ARB2A: variants seen among roughly 807,000 people sequenced by gnomAD.
ARB2A encodes cotranscriptional regulator ARB2A.
chr5:93,773,289 T>C, the ARB2A span, among the ~76,000 whole-genome samples: 1 of 152,190 alleles, frequency 6.6e-6, no homozygotes, highest in Admixed American at 6.5e-5. Flanking sequence ...TGCCACTGAA[T>C]CAACAGGACA....
the ARB2A span, among the ~76,000 whole-genome samples, chr5:94,030,191 T>C: frequency 6.6e-6 from 1 of 152,320 alleles, no homozygotes; most frequent in East Asian, 1.9e-4. Context: ...TGGTTGTCTA[T>C]TACTGTTGTA....
At chr5:93,915,209 C>T in the ARB2A span, among the ~76,000 whole-genome samples, 1 of 151,906 alleles carries the variant, frequency 6.6e-6, no homozygotes, top group East Asian at 1.9e-4. Flanking sequence ...TTCAAAGTTT[C>T]CTTTATTTGT....
At chr5:93,878,095 T>C in the ARB2A span, among the ~76,000 whole-genome samples, 3 of 152,190 alleles carry the variant, frequency 2.0e-5, no homozygotes, top group African/African-American at 7.2e-5. Flanking sequence ...TGGATTGTAA[T>C]CTCAGCTACT....
the ARB2A span, among the ~76,000 whole-genome samples, chr5:94,099,780 G>A: frequency 1.3e-5 from 2 of 151,848 alleles, no homozygotes; most frequent in Non-Finnish European, 2.9e-5. Flanking sequence ...ACTAGGTATT[G>A]AAGGAACATA....
the ARB2A span, among the ~76,000 whole-genome samples, chr5:94,088,428 C>T: frequency 6.6e-6 from 1 of 152,076 alleles, no homozygotes; most frequent in Non-Finnish European, 1.5e-5. Flanking sequence ...CACCTATAAC[C>T]CCAGCACCTT....
the ARB2A span, among the ~76,000 whole-genome samples, chr5:94,045,779 A>G: frequency 1.4e-4 from 22 of 152,232 alleles, no homozygotes; most frequent in Admixed American, 8.5e-4. Flanking sequence ...GATAAGTAGC[A>G]TAAGAGATAT....
At chr5:93,864,955 C>T in the ARB2A span, among the ~76,000 whole-genome samples, 1 of 152,104 alleles carries the variant, frequency 6.6e-6, no homozygotes, top group Admixed American at 6.6e-5. Flanking sequence ...AGAGGGCCAG[C>T]ACAATATTTT....
the ARB2A span, among the ~76,000 whole-genome samples, chr5:94,073,714 T>C: frequency 6.6e-6 from 1 of 152,114 alleles, no homozygotes. Context: ...TTGTCCATTA[T>C]TCTGAGCGTG....
At chr5:93,978,675 A>G in the ARB2A span, among the ~76,000 whole-genome samples, 1 of 152,112 alleles carries the variant, frequency 6.6e-6, no homozygotes, top group South Asian at 2.1e-4. Context: ...ATCAGGTACT[A>G]TGTTCACTAG....
the ARB2A span, among the ~76,000 whole-genome samples, chr5:93,701,430 T>C: frequency 6.6e-6 from 1 of 152,140 alleles, no homozygotes; most frequent in Non-Finnish European, 1.5e-5. Flanking sequence ...GACTGATTTT[T>C]CAGTTTAAGG....
At chr5:94,062,438 A>T in the ARB2A span, among the ~76,000 whole-genome samples, 2 of 152,148 alleles carry the variant, frequency 1.3e-5, no homozygotes, top group African/African-American at 4.8e-5. Flanking sequence ...GCAAAGATAA[A>T]AAGGGAAACG....
the ARB2A span, among the ~76,000 whole-genome samples, chr5:93,994,742 A>G: frequency 6.6e-6 from 1 of 151,954 alleles, no homozygotes; most frequent in Non-Finnish European, 1.5e-5. Flanking sequence ...GTCTCTATAA[A>G]AAAATAGAAA....
the ARB2A span, chr5:93,805,580 A>T: frequency 1.0e-6 from 1 of 985,180 alleles, no homozygotes; most frequent in Non-Finnish European, 1.2e-6. Context: ...ATAATTACAC[A>T]GAGGTCACAA....
chr5:93,692,844 C>T, the ARB2A span, among the ~76,000 whole-genome samples: 1 of 152,118 alleles, frequency 6.6e-6, no homozygotes, highest in East Asian at 1.9e-4. Context: ...GAAATCATAA[C>T]GAACACTCTC....
chr5:93,993,909 T>G, the ARB2A span, among the ~76,000 whole-genome samples: 1 of 151,958 alleles, frequency 6.6e-6, no homozygotes, highest in South Asian at 2.1e-4. Flanking sequence ...TTCTTGTAAA[T>G]AAATCATCTT....
the ARB2A span, among the ~76,000 whole-genome samples, chr5:94,091,810 T>C: frequency 6.6e-6 from 1 of 152,188 alleles, no homozygotes; most frequent in Non-Finnish European, 1.5e-5. Context: ...CTATGTAACA[T>C]TATAGAGAGT....
At chr5:93,825,357 C>T in the ARB2A span, among the ~76,000 whole-genome samples, 1 of 152,220 alleles carries the variant, frequency 6.6e-6, no homozygotes, top group South Asian at 2.1e-4. Context: ...CTGCTATGAG[C>T]TTCATCTTCA....
chr5:93,658,125 T>C, the ARB2A span, among the ~76,000 whole-genome samples: 1 of 152,154 alleles, frequency 6.6e-6, no homozygotes, highest in Non-Finnish European at 1.5e-5. Context: ...CCAACTGTAC[T>C]ATCAGCTTGT....
At chr5:93,687,042 G>T in the ARB2A span, among the ~76,000 whole-genome samples, 1 of 151,816 alleles carries the variant, frequency 6.6e-6, no homozygotes, top group African/African-American at 2.4e-5. Flanking sequence ...AGATAAAAAG[G>T]CAACTAGGCA....
Sources: allele counts gnomAD v4.1 joint callset (sites outside exome capture counted in the v4.1 genomes callset), GRCh38; gene constraint gnomAD v4.1.1; transcripts MANE v1.5; gene names NCBI Gene and HGNC (gene_info 2026-07-23, HGNC 2026-07-21).